The following KCNS3 variants were observed in gnomAD, a reference collection of about 807,000 sequenced individuals.
The protein encoded by KCNS3 is delayed-rectifier potassium channel regulatory subunit KCNS3.
KCNS3 carries 13 observed loss-of-function variants against 31.0 expected under a neutral mutation model. That is an observed-to-expected ratio of 0.42 (90% confidence interval 0.27 to 0.67). The LOEUF is 0.67. KCNS3 is among the 30% of genes least tolerant of loss of function. The probability of loss-of-function intolerance (pLI) is 0.25; values close to 1 mark genes in which losing one functional copy is unlikely to be tolerated. For synonymous variants in KCNS3, 238 were observed against 241.5 expected (o/e 0.99, Z 0.13); for missense variants, 545 against 622.4 (o/e 0.88, Z 1.32).
chr2:17,929,167 C>T (rs565278448), intron 2 of KCNS3, among the ~76,000 whole-genome samples: 5 of 152,318 alleles, frequency 3.3e-5, no homozygotes, highest in East Asian at 1.9e-4. Context: ...GTCTACCCTT[C>T]GATGCCTCTG....
intron 1 of KCNS3, among the ~76,000 whole-genome samples, chr2:17,910,584 A>G (rs562326637): frequency 2.0e-5 from 3 of 151,708 alleles, no homozygotes; most frequent in South Asian, 2.1e-4. Flanking sequence ...TTGCCATTTC[A>G]GATCACTGGG....
chr2:17,903,565 T>A (rs1004912365), intron 1 of KCNS3, among the ~76,000 whole-genome samples: 1 of 152,174 alleles, frequency 6.6e-6, no homozygotes, highest in African/African-American at 2.4e-5. Context: ...TATTAACTTG[T>A]CATTTAACAT....
intron 1 of KCNS3, among the ~76,000 whole-genome samples, chr2:17,894,214 A>G (rs1661933422): frequency 6.6e-6 from 1 of 152,088 alleles, no homozygotes; most frequent in Non-Finnish European, 1.5e-5. Context: ...CTGCCCCACC[A>G]AAGCAGATAT....
At chr2:17,902,353 T>C (rs1381730374) in intron 1 of KCNS3, among the ~76,000 whole-genome samples, 1 of 150,774 alleles carries the variant, frequency 6.6e-6, no homozygotes, top group Non-Finnish European at 1.5e-5. Context: ...TGTGTGTGTG[T>C]GTGTGTGTGT....
rs955860238 is a variant in KCNS3, at chr2:17,908,697, A to G, written c.-251-8983A>G. ...TCTAGCAGTCAGGACCCTCAGCTGC[A>G]GGTCTGTTGGAGTTTGCTAGAGGTC... On this transcript the variant is annotated intron_variant, in intron 1 of 2. Transcript: ENST00000304101. Among the ~76,000 whole-genome samples the G allele has an allele frequency of 3.3e-5, 5 of 152,222 alleles. No individual in the cohort carries two copies. In the East Asian group the frequency reaches 9.6e-4, roughly 29 times the overall value.
At chr2:17,920,509 A>G (rs938344814) in intron 2 of KCNS3, among the ~76,000 whole-genome samples, 1 of 152,190 alleles carries the variant, frequency 6.6e-6, no homozygotes, top group African/African-American at 2.4e-5. Context: ...CCAGTTGGAG[A>G]CAACTGAATC....
chr2:17,932,074 A>C lies in KCNS3; in HGVS notation c.1066A>C (p.Ser356Arg), dbSNP rs756359466. 1 of 1,614,066 alleles carries C rather than the reference A, an allele frequency of 6.2e-7. No homozygotes were observed. ...EKDDHTSSLT[S>R]IPICWWWATI... ...AGATGACCACACATCCAGCCTCACCAGCATCCCCATCTGCTGGTGGTGGGC... is the reference window on the plus strand; with the variant it reads ...AGATGACCACACATCCAGCCTCACCCGCATCCCCATCTGCTGGTGGTGGGC... Residue 356 changes from serine (S) to arginine (R), a missense_variant, in exon 3 of 3, where the codon AGC becomes CGC. Physicochemically the swap from Ser to Arg is moderately radical, Grantham distance 110. Transcript: ENST00000304101.
In KCNS3 at chr2:17,932,153, C is replaced by A. The variant is rs34658212; in HGVS notation, c.1145C>A (p.Ala382Glu). Reference protein sequence around the residue: ...GYGDTHPVTLAGKLIASTCII... With the variant: ...GYGDTHPVTLEGKLIASTCII... ...GGAGACACCCACCCGGTCACCTTGG[C>A]GGGAAAGCTCATCGCCAGCACATGC... Residue 382 changes from alanine (A) to glutamate (E), a missense_variant, in exon 3 of 3, where the codon GCG becomes GAG. Physicochemically the swap from Ala to Glu is moderately radical, Grantham distance 107. Coordinates refer to ENST00000304101, the MANE Select transcript of KCNS3 (RefSeq NM_002252.5). 2 of 1,613,804 alleles carry A rather than the reference C, an allele frequency of 1.2e-6. No homozygotes were observed.
chr2:17,899,130 G>C (rs1431553468), intron 1 of KCNS3, among the ~76,000 whole-genome samples: 1 of 152,096 alleles, frequency 6.6e-6, no homozygotes, highest in African/African-American at 2.4e-5. Flanking sequence ...GGAGGCTGAG[G>C]CAGGAGCATC....
intron 1 of KCNS3, among the ~76,000 whole-genome samples, chr2:17,887,549 A>G (rs989581117): frequency 6.7e-6 from 1 of 150,132 alleles, no homozygotes; most frequent in African/African-American, 2.4e-5. Flanking sequence ...CTATATATAT[A>G]TCACAGTTTC....
At chr2:17,884,256 T>TAAAA (rs34385647) in intron 1 of KCNS3, among the ~76,000 whole-genome samples, 45 of 86,772 alleles carry the variant, frequency 5.2e-4, no homozygotes, top group African/African-American at 1.8e-3. Flanking sequence ...AAAGTATAAT[T>TAAAA]AAAAAAAAAA....
chr2:17,888,629 GTATATATATATATATATATATA>G lies in KCNS3; in HGVS notation c.-252+9846_-252+9867del, dbSNP rs70964021. Among the ~76,000 whole-genome samples the G allele has an allele frequency of 1.1e-3, 103 of 92,368 alleles. 3 individuals carry two copies. Among genetic ancestry groups the G allele is most frequent in the East Asian group, 2.2e-3 (4 of 1,856 alleles). The allele number at this position is 92,368 out of a possible 152,430, so 60.6% of individuals were successfully genotyped here. The stretch of plus-strand genomic sequence containing the variant: ...GAACTTAAAGTATAATAAAAAAAAT[GTATATATATATATATATATATA>G]TATATATATATATATATATATAAAG... On this transcript the variant is annotated intron_variant, in intron 1 of 2. Coordinates refer to ENST00000304101, the MANE Select transcript of KCNS3 (RefSeq NM_002252.5).
At chr2:17,885,430 G>A (rs1182348994) in intron 1 of KCNS3, among the ~76,000 whole-genome samples, 1 of 152,164 alleles carries the variant, frequency 6.6e-6, no homozygotes, top group African/African-American at 2.4e-5. Context: ...GAACCAATAG[G>A]CTGTGCATAT....
Position 17,932,139 on chromosome 2 carries a change from C to T in KCNS3, c.1131C>T (p.His377=), listed in dbSNP as rs1290923595. The T allele has an allele frequency of 3.7e-6, 6 of 1,614,102 alleles. No individual in the cohort carries two copies. The highest frequency in any genetic ancestry group is 2.7e-5 in the African/African-American group (2 of 75,014). Residue 377 remains histidine, a synonymous_variant, in exon 3 of 3, where the codon CAC becomes CAT. Transcript: ENST00000304101. Reference sequence around the variant, plus strand: ...CAACTGTGGGCTATGGAGACACCCACCCGGTCACCTTGGCGGGAAAGCTCA... The same window carrying T: ...CAACTGTGGGCTATGGAGACACCCATCCGGTCACCTTGGCGGGAAAGCTCA... The part of the protein sequence containing the change: ...SMTTVGYGDT[H]PVTLAGKLIA...
At chr2:17,921,943 AT>A (rs1662723962) in intron 2 of KCNS3, among the ~76,000 whole-genome samples, 1 of 136,648 alleles carries the variant, frequency 7.3e-6, no homozygotes, top group African/African-American at 2.8e-5. Flanking sequence ...ATATATATAT[AT>A]ATATATATAT....
intron 2 of KCNS3, among the ~76,000 whole-genome samples, chr2:17,920,121 G>A (rs1388183505): frequency 6.6e-6 from 1 of 152,180 alleles, no homozygotes; most frequent in East Asian, 1.9e-4. Flanking sequence ...AAAGAAGGCA[G>A]TGTTAAATGC....
intron 1 of KCNS3, among the ~76,000 whole-genome samples, chr2:17,898,471 C>T (rs1442152858): frequency 6.6e-6 from 1 of 152,142 alleles, no homozygotes; most frequent in Non-Finnish European, 1.5e-5. Flanking sequence ...GGCCCTGACT[C>T]CTGCCTGTTT....
chr2:17,910,590 C>T (rs1662447337), intron 1 of KCNS3, among the ~76,000 whole-genome samples: 1 of 151,010 alleles, frequency 6.6e-6, no homozygotes, highest in Admixed American at 6.6e-5. Context: ...TTTCAGATCA[C>T]TGGGATTCTT....
chr2:17,886,717 C>T (rs777607908), intron 1 of KCNS3, among the ~76,000 whole-genome samples: 24 of 150,040 alleles, frequency 1.6e-4, no homozygotes, highest in Admixed American at 3.3e-4. Flanking sequence ...TCCATCCATC[C>T]CATTCTTCCA....
Sources: allele counts gnomAD v4.1 joint callset (sites outside exome capture counted in the v4.1 genomes callset), GRCh38; gene constraint gnomAD v4.1.1; transcripts MANE v1.5; gene names NCBI Gene and HGNC (gene_info 2026-07-23, HGNC 2026-07-21).